Variants in GPN3 observed in about 807,000 individuals in gnomAD.
GPN3 encodes the protein ATP-binding domain 1 family member C.
A neutral mutation model predicts 38.7 loss-of-function variants in GPN3; 31 were observed. The observed-to-expected ratio is 0.80, with a 90% confidence interval of 0.60 to 1.08. The LOEUF (loss-of-function observed/expected upper bound fraction) is 1.08. GPN3 is among the 50% of genes least tolerant of loss of function. The probability of loss-of-function intolerance (pLI) is 0.00; values close to 1 mark genes in which losing one functional copy is unlikely to be tolerated. For missense variants in GPN3, 301 were observed against 354.4 expected, an observed-to-expected ratio of 0.85 and a Z score of 1.21; for synonymous variants, 116 against 120.2, an observed-to-expected ratio of 0.96 and a Z score of 0.23.
intron 1 of GPN3, among the ~76,000 whole-genome samples, chr12:110,466,206 T>C (rs1230415123): frequency 1.3e-5 from 2 of 152,096 alleles, no homozygotes; most frequent in Non-Finnish European, 1.5e-5. Flanking sequence ...TACTTGATAA[T>C]TGTTTCTAAT....
At chr12:110,465,824 C>A (rs544903432) in intron 1 of GPN3, among the ~76,000 whole-genome samples, 41 of 152,226 alleles carry the variant, frequency 2.7e-4, no homozygotes, top group African/African-American at 7.2e-4. Flanking sequence ...CACCTGTAAT[C>A]CCAGTACTTT....
At chr12:110,456,261 G>A (rs1164308677) in intron 4 of GPN3, among the ~76,000 whole-genome samples, 3 of 150,912 alleles carry the variant, frequency 2.0e-5, no homozygotes, top group Non-Finnish European at 4.4e-5. Context: ...CCCAGGAGGC[G>A]GAGGTTCCCG....
Position 110,453,868 on chromosome 12 carries a change from CA to C in GPN3, c.666del (p.Ile222MetfsTer20). 1 of 1,603,522 alleles carries C rather than the reference CA, an allele frequency of 6.2e-7. No individual in the cohort carries two copies. The highest frequency in any genetic ancestry group is 8.5e-7 in the Non-Finnish European group (1 of 1,173,220). ...AAAAATCGAACCATGCTGTAGTCATCAATCTACAAGTTGTGGATTTCAAGAA... is the reference window on the plus strand; with the variant it reads ...AAAAATCGAACCATGCTGTAGTCATCATCTACAAGTTGTGGATTTCAAGAA... ...KKLTKAICGL[I>X]DDYSMVRFLP... On this transcript the variant is annotated frameshift_variant and splice_region_variant, in exon 7 of 8. Transcript: ENST00000228827. LOFTEE classifies it high-confidence loss of function.
intron 1 of GPN3, among the ~76,000 whole-genome samples, chr12:110,466,995 CTTCT>C (rs932640553): frequency 4.6e-5 from 7 of 150,684 alleles, no homozygotes; most frequent in African/African-American, 1.5e-4. Context: ...TTCCACACTT[CTTCT>C]TTTTTTTTTT....
At chr12:110,468,675 GGTGCAAAC>G, upstream of GPN3, 1 of 1,533,898 alleles carries the variant, frequency 6.5e-7, no homozygotes, top group Non-Finnish European at 8.7e-7. Context: ...TCCACAGAGA[GGTGCAAAC>G]GTGCAAACGC....
intron 3 of GPN3, among the ~76,000 whole-genome samples, chr12:110,459,432 G>C (rs2062571802): frequency 6.6e-6 from 1 of 152,008 alleles, no homozygotes. Flanking sequence ...AGTAGAGACA[G>C]GGTTTCACCA....
chr12:110,459,807 G>A lies in GPN3; in HGVS notation c.213C>T (p.Phe71=), dbSNP rs139056410. 4.8e-5 allele frequency: 77 copies of A among 1,613,454 alleles called. No individual in the cohort carries two copies. In the Admixed American group the frequency reaches 5.5e-4, roughly 12 times the overall value. ...DDVMEDDSLR[F]GPNGGLVFCM... ...AAAATACCAATCCTCCGTTGGGACC[G>A]AATCGCAGAGAATCATCCTCCATTA... The change falls in exon 3 of 8, where the codon TTC becomes TTT. Residue 71 remains phenylalanine (F), a synonymous_variant. Transcript: ENST00000228827.
At chr12:110,462,788 GCT>G (rs879742349) in intron 2 of GPN3, among the ~76,000 whole-genome samples, 429 of 149,330 alleles carry the variant, frequency 2.9e-3, no homozygotes, top group Middle Eastern at 0.018. Flanking sequence ...ACGGAGTCTC[GCT>G]CTGTTGCCCA....
intron 2 of GPN3, among the ~76,000 whole-genome samples, chr12:110,463,444 C>A (rs2062605213): frequency 6.7e-6 from 1 of 150,346 alleles, no homozygotes; most frequent in Non-Finnish European, 1.5e-5. Context: ...AGAGTGAGAC[C>A]TTGTCTCAAA....
At chr12:110,461,040 A>G in intron 2 of GPN3, 2 of 1,589,790 alleles carry the variant, frequency 1.3e-6, no homozygotes, top group Non-Finnish European at 1.7e-6. Context: ...TCTGCCATCA[A>G]CGAAGTGGTA....
Position 110,465,099 on chromosome 12 carries a change from G to C in GPN3, c.157+7C>G, listed in dbSNP as rs146214580. 2.7e-6 allele frequency: 4 copies of C among 1,491,996 alleles called. No homozygotes were observed. The South Asian group carries it at 3.4e-5, about 13-fold the overall frequency. The allele number at this position is 1,491,996 out of a possible 1,614,324, so 92.4% of individuals were successfully genotyped here. A position where few individuals can be genotyped will look rare whatever the true frequency, so the allele number is the denominator to read the frequency against. Reference sequence around the variant, plus strand: ...GAAGGTGGGGGGAGCCTTTGCTCAGGACTTACCAGCCATCACGGAGTAGTT... The same window carrying C: ...GAAGGTGGGGGGAGCCTTTGCTCAGCACTTACCAGCCATCACGGAGTAGTT... On this transcript the variant is annotated splice_region_variant and intron_variant, in intron 2 of 7. Transcript: ENST00000228827.
In GPN3 at chr12:110,460,968, T is replaced by C. The variant is rs995869381; in HGVS notation, c.158-1106A>G. On this transcript the variant is annotated intron_variant, in intron 2 of 7. Transcript: ENST00000228827. ...GACAGAGCAAGACTCCATCTCACTT[T>C]CCAACTTGGACCCAGCAGAATGGCT... 63 of 1,207,116 alleles carry C rather than the reference T, an allele frequency of 5.2e-5. 1 individual carries two copies. Among genetic ancestry groups the C allele is most frequent in the Middle Eastern group, 5.5e-4 (2 of 3,620 alleles). 74.8% of individuals were successfully genotyped at this position (1,207,116 alleles called of 1,614,324 possible).
upstream of GPN3, chr12:110,468,434 G>A: frequency 1.3e-6 from 2 of 1,534,936 alleles, no homozygotes; most frequent in Middle Eastern, 1.7e-4. Context: ...AGTAGTTGAT[G>A]GAAATCGGCC....
rs756895091 is a variant in GPN3 at position 110,468,215 on chromosome 12, G to A, written c.-12C>T. 1 of 1,588,878 alleles carries A rather than the reference G, an allele frequency of 6.3e-7. No individual in the cohort carries two copies. The highest frequency in any genetic ancestry group is 8.5e-7 in the Non-Finnish European group (1 of 1,172,402). The stretch of plus-strand genomic sequence containing the variant: ...GCATACCGAGGCATGTTGGCTCCCG[G>A]AGCCGCCCGCCACACTCCCTTAGCC... On this transcript the variant is annotated 5_prime_UTR_variant, in exon 1 of 8. Transcript: ENST00000228827.
chr12:110,461,091 G>C (rs917041707), intron 2 of GPN3: 167 of 1,484,960 alleles, frequency 1.1e-4, no homozygotes, highest in Non-Finnish European at 1.5e-4. Flanking sequence ...CACATCTATG[G>C]AGTGGGCTTC....
intron 2 of GPN3, among the ~76,000 whole-genome samples, chr12:110,462,287 C>T (rs1353912647): frequency 6.6e-6 from 1 of 152,162 alleles, no homozygotes; most frequent in African/African-American, 2.4e-5. Flanking sequence ...CCGCAACCTG[C>T]TCACTCATTA....
chr12:110,455,808 A>G lies in GPN3; in HGVS notation c.566+7T>C. The G allele has an allele frequency of 7.6e-7, 1 of 1,317,574 alleles. No individual in the cohort carries two copies. Among genetic ancestry groups the G allele is most frequent in the Non-Finnish European group, 1.1e-6 (1 of 909,038 alleles). The allele number at this position is 1,317,574 out of a possible 1,614,324, so 81.6% of individuals were successfully genotyped here. A position where few individuals can be genotyped will look rare whatever the true frequency, so the allele number is the denominator to read the frequency against. On this transcript the variant is annotated splice_region_variant and intron_variant, in intron 5 of 7. Transcript: ENST00000228827. ...ATCTGATAATAATGGAAGAACAGTG[A>G]ACTCACTTCTCAATTTCCTTTTTTG...
At chr12:110,465,793 C>T (rs1017783822) in intron 1 of GPN3, among the ~76,000 whole-genome samples, 2 of 151,996 alleles carry the variant, frequency 1.3e-5, no homozygotes, top group African/African-American at 2.4e-5. Context: ...GTTAACATCT[C>T]GGGCTGGGTG....
chr12:110,453,960 G>C (rs908002326), intron 6 of GPN3, 89 bp from the exon 7 acceptor site: 5 of 937,932 alleles, frequency 5.3e-6, no homozygotes, highest in Admixed American at 2.4e-5. Context: ...ATAACCATTT[G>C]TACTTCTGAA....
Sources: gnomAD v4.1 joint callset for allele counts (sites outside exome capture counted in the v4.1 genomes callset) on GRCh38, gnomAD v4.1.1 for gene constraint, MANE v1.5 for transcripts, NCBI Gene and HGNC (gene_info 2026-07-23, HGNC 2026-07-21) for gene names.